PCDH15: variants seen among roughly 807,000 people sequenced by gnomAD.
PCDH15 encodes the protein protocadherin related 15, also known as protocadherin-15.
Under a neutral mutation model 178.5 loss-of-function variants are expected in PCDH15, and 129 were observed. The observed-to-expected ratio is 0.72, with a 90% CI of 0.63 to 0.84. The LOEUF (loss-of-function observed/expected upper bound fraction) is 0.84. PCDH15 is among the 40% of genes least tolerant of loss of function. The pLI, the probability that PCDH15 is intolerant of heterozygous loss-of-function variation, is 0.00. For synonymous variants in PCDH15, 800 were observed against 732.0 expected (o/e 1.09, Z -1.50); for missense variants, 2,230 against 2,099.9 (o/e 1.06, Z -1.21).
intron 1 of PCDH15, among the ~76,000 whole-genome samples, chr10:55,182,674 G>A (rs1249332977): frequency 6.6e-6 from 1 of 151,952 alleles, no homozygotes; most frequent in Non-Finnish European, 1.5e-5. Flanking sequence ...TGATGTAAGT[G>A]TTAAATGACA....
chr10:55,430,941 A>G (rs577764070), intron 2 of PCDH15, among the ~76,000 whole-genome samples: 38 of 152,218 alleles, frequency 2.5e-4, no homozygotes, highest in African/African-American at 9.1e-4. Flanking sequence ...AATATGCAAG[A>G]CTCCACATCA....
At chr10:54,252,446 A>G (rs971964654) in intron 8 of PCDH15, among the ~76,000 whole-genome samples, 7 of 152,180 alleles carry the variant, frequency 4.6e-5, no homozygotes, top group Admixed American at 4.6e-4. Flanking sequence ...CTTCTCCTCT[A>G]ACTTTTCCAG....
intron 2 of PCDH15, among the ~76,000 whole-genome samples, chr10:55,098,894 A>AAGAGAGAGAGAGAGAGAGAGAGAGAG (rs1216610604): frequency 2.2e-5 from 1 of 46,232 alleles, no homozygotes; most frequent in African/African-American, 1.2e-4. Flanking sequence ...TAAAACTTCA[A>AAGAGAGAGAGAGAGAGAGAGAGAGAG]TGAGAGAGAG....
chr10:54,708,165 G>A (rs2095386403), intron 1 of PCDH15, among the ~76,000 whole-genome samples: 1 of 152,166 alleles, frequency 6.6e-6, no homozygotes, highest in South Asian at 2.1e-4. Flanking sequence ...CCAAGACCAC[G>A]ACACAGAGGA....
At chr10:55,101,615 T>A (rs1842579325) in intron 2 of PCDH15, among the ~76,000 whole-genome samples, 1 of 151,894 alleles carries the variant, frequency 6.6e-6, no homozygotes, top group African/African-American at 2.4e-5. Flanking sequence ...TTTACTGGCA[T>A]ATAAATTTTT....
intron 2 of PCDH15, among the ~76,000 whole-genome samples, chr10:55,367,714 G>A (rs1845402654): frequency 6.6e-6 from 1 of 152,154 alleles, no homozygotes; most frequent in Non-Finnish European, 1.5e-5. Context: ...ACATTTGATT[G>A]GCTACAGCTA....
chr10:55,058,462 G>A (rs761894397), intron 2 of PCDH15, among the ~76,000 whole-genome samples: 4 of 151,958 alleles, frequency 2.6e-5, no homozygotes, highest in Admixed American at 6.6e-5. Flanking sequence ...CACCTGTCTC[G>A]GCTCTCAAAG....
chr10:55,265,251 G>A (rs61631271), intron 1 of PCDH15, among the ~76,000 whole-genome samples: 2,484 of 150,968 alleles, frequency 0.016, 63 homozygotes, highest in African/African-American at 0.056. Context: ...GTAAGTTTCC[G>A]GATGACCATG....
chr10:54,126,521 G>A (rs2132960188), intron 15 of PCDH15, among the ~76,000 whole-genome samples: 1 of 151,960 alleles, frequency 6.6e-6, no homozygotes, highest in South Asian at 2.1e-4. Context: ...ATATATTCTT[G>A]ACAAGTAATC....
intron 17 of PCDH15, among the ~76,000 whole-genome samples, chr10:54,072,078 G>T (rs1448484364): frequency 1.3e-5 from 2 of 151,948 alleles, no homozygotes; most frequent in East Asian, 3.9e-4. Flanking sequence ...AAAGAATATT[G>T]AAAATTTCCA....
chr10:55,291,130 T>A (rs1842997036), intron 1 of PCDH15, among the ~76,000 whole-genome samples: 1 of 152,164 alleles, frequency 6.6e-6, no homozygotes. Flanking sequence ...CTCCCAAATT[T>A]CATGTCCTCA....
intron 2 of PCDH15, among the ~76,000 whole-genome samples, chr10:55,584,686 A>G (rs550109074): frequency 2.7e-4 from 40 of 149,522 alleles, no homozygotes; most frequent in African/African-American, 9.8e-4. Context: ...AAAAAAATCA[A>G]TTAAAATCCC....
intron 1 of PCDH15, among the ~76,000 whole-genome samples, chr10:55,301,087 T>G (rs1427680076): frequency 6.6e-6 from 1 of 152,190 alleles, no homozygotes; most frequent in African/African-American, 2.4e-5. Context: ...GGCTTTTGCA[T>G]TAACATAAAT....
chr10:54,094,359 G>A (rs996261773), intron 15 of PCDH15, among the ~76,000 whole-genome samples: 3 of 152,156 alleles, frequency 2.0e-5, no homozygotes, highest in Admixed American at 1.3e-4. Context: ...GGACATATAT[G>A]GAGAGCAGGG....
chr10:54,746,861 C>G (rs1447413919), intron 1 of PCDH15, among the ~76,000 whole-genome samples: 1 of 152,150 alleles, frequency 6.6e-6, no homozygotes, highest in Admixed American at 6.5e-5. Context: ...TCCAAGAAAC[C>G]TCTCCCATTC....
At chr10:55,202,044 C>A (rs937644286) in intron 1 of PCDH15, among the ~76,000 whole-genome samples, 7 of 152,014 alleles carry the variant, frequency 4.6e-5, no homozygotes, top group African/African-American at 7.3e-5. Flanking sequence ...TTTAACCAAC[C>A]ATCTGAAGTG....
At chr10:54,935,872 G>C (rs1837893301) in intron 2 of PCDH15, among the ~76,000 whole-genome samples, 1 of 151,920 alleles carries the variant, frequency 6.6e-6, no homozygotes, top group African/African-American at 2.4e-5. Context: ...TGTTCTGAAA[G>C]CATTTTATCA....
intron 3 of PCDH15, among the ~76,000 whole-genome samples, chr10:54,415,638 A>C (rs1954236515): frequency 1.3e-5 from 2 of 152,240 alleles, no homozygotes; most frequent in South Asian, 4.1e-4. Flanking sequence ...TAATCAAAAA[A>C]ATTCAAAGAT....
intron 7 of PCDH15, among the ~76,000 whole-genome samples, chr10:54,325,560 C>A (rs1472872276): frequency 6.6e-6 from 1 of 151,962 alleles, no homozygotes. Flanking sequence ...ACCAGCCTGA[C>A]CAACATGCTG....
Sources: gnomAD v4.1 joint callset for allele counts (sites outside exome capture counted in the v4.1 genomes callset) on GRCh38, gnomAD v4.1.1 for gene constraint, MANE v1.5 for transcripts, NCBI Gene and HGNC (gene_info 2026-07-23, HGNC 2026-07-21) for gene names.